Variants in TASL observed in about 807,000 individuals in gnomAD.
TASL encodes the protein TLR adapter interacting with SLC15A4 on the lysosome.
Under a neutral mutation model 12.9 loss-of-function variants are expected in TASL, and 6 were observed. The ratio of observed to expected loss-of-function variants is 0.46; its 90% CI spans 0.25 to 0.92. The LOEUF (loss-of-function observed/expected upper bound fraction) is 0.92. Ranked by LOEUF, TASL falls within the 40% of genes least tolerant of loss-of-function variation. The pLI is 0.17. For synonymous variants in TASL, 85 were observed against 79.3 expected (o/e 1.07, Z -0.38); for missense variants, 165 against 212.8 (o/e 0.78, Z 1.40).
At position 30,560,210 on chromosome X, in the gene TASL, G is replaced by A; in HGVS notation, c.146C>T (p.Thr49Ile). The change falls in exon 3 of 3, where the codon ACA (threonine) becomes ATA (isoleucine). Residue 49 changes from threonine to isoleucine, a missense_variant. Coordinates refer to ENST00000378962, the MANE Select transcript of TASL (RefSeq NM_025159.3). ...GCTCACGTAGAGACTTCTGACTTGT[G>A]TTTCATCCACAGAGGAATAGGAAAG... ...ATLSYSSVDE[T>I]QVRSLYVSCK... 1.7e-6 allele frequency: 2 copies of A among 1,211,215 alleles called. No individual in the cohort carries two copies. The highest frequency in any genetic ancestry group is 2.2e-6 in the Non-Finnish European group (2 of 895,313).
chrX:30,562,629 T>G (rs2147083220), intron 2 of TASL, among the ~76,000 whole-genome samples: 1 of 111,084 alleles, frequency 9.0e-6, no homozygotes, highest in Non-Finnish European at 1.9e-5. Context: ...ACTCCCATCC[T>G]CAGCTGACCC....
chrX:30,559,162 T>C lies in TASL; in HGVS notation c.*288A>G, dbSNP rs532258315. ...TGACTGTCTTCTTTTTTAATTCCTA[T>C]GTTTCTTCAAATGAATTAACCGTTT... On this transcript the variant is annotated 3_prime_UTR_variant, in exon 3 of 3. Transcript: ENST00000378962. 3 of 220,666 alleles carry C rather than the reference T, an allele frequency of 1.4e-5. No homozygotes were observed. Among genetic ancestry groups the C allele is most frequent in the African/African-American group, 2.9e-5 (1 of 34,772 alleles). 18.2% of individuals were successfully genotyped at this position (220,666 alleles called of 1,213,427 possible).
chrX:30,566,974 A>G (rs1283191286), intron 2 of TASL, among the ~76,000 whole-genome samples: 1 of 111,855 alleles, frequency 8.9e-6, no homozygotes, highest in Non-Finnish European at 1.9e-5. Context: ...ATAATCTCCA[A>G]TTGATAATGT....
At chrX:30,574,977 T>C (rs1295066633) in intron 2 of TASL, among the ~76,000 whole-genome samples, 1 of 111,846 alleles carries the variant, frequency 8.9e-6, no homozygotes, top group Non-Finnish European at 1.9e-5. Flanking sequence ...ATTGTTTTCA[T>C]TGACATTCCT....
intron 2 of TASL, among the ~76,000 whole-genome samples, chrX:30,575,186 T>C (rs1930688607): frequency 8.9e-6 from 1 of 111,738 alleles, no homozygotes; most frequent in Non-Finnish European, 1.9e-5. Context: ...AATTCCATTG[T>C]AAACTTTTTA....
intron 2 of TASL, among the ~76,000 whole-genome samples, chrX:30,571,282 G>GAAAAAGAAAGAAAGAAAGAAAGAAAGAA (rs748518760): frequency 1.5e-5 from 1 of 68,479 alleles, no homozygotes; most frequent in African/African-American, 6.0e-5. Context: ...AAGAAAGAAA[G>GAAAAAGAAAGAAAGAAAGAAAGAAAGAA]AAAGAAAGAA....
At chrX:30,573,939 T>C (rs1178758400) in intron 2 of TASL, among the ~76,000 whole-genome samples, 5 of 111,234 alleles carry the variant, frequency 4.5e-5, no homozygotes, top group Admixed American at 2.9e-4. Flanking sequence ...ATAAATAAAT[T>C]AAATAAATAA....
Position 30,559,530 on chromosome X carries a change from A to G in TASL, c.826T>C (p.Leu276=), listed in dbSNP as rs1374120600. The part of the protein sequence containing the change: ...KARDIVFSRL[L]QLMSTEITEI... ...GTAATTTCAGTTGACATCAATTGCA[A>G]TAGGCGGCTAAAGACTATATCTCTG... The change falls in exon 3 of 3, where the codon TTG becomes CTG. Residue 276 remains leucine (L), a synonymous_variant. Coordinates refer to ENST00000378962, the MANE Select transcript of TASL (RefSeq NM_025159.3). 6.6e-6 allele frequency: 8 copies of G among 1,206,829 alleles called. No homozygotes were observed. The highest frequency in any genetic ancestry group is 1.7e-5 in the African/African-American group (1 of 57,728).
rs577342276 is a variant in TASL, at chrX:30,566,794, G to A, written c.-1-6438C>T. Among the ~76,000 whole-genome samples, 32 of 111,933 alleles carry A rather than the reference G, an allele frequency of 2.9e-4. 1 individual carries two copies. In the South Asian group the frequency reaches 4.8e-3, roughly 17 times the overall value. On this transcript the variant is annotated intron_variant, in intron 2 of 2. Coordinates refer to ENST00000378962, the MANE Select transcript of TASL (RefSeq NM_025159.3). Reference sequence around the variant, plus strand: ...TGACAAAAGTGCTATCCAATAGAACGTCTTGAAGTGATGAAAATGTCCAAT... The same window carrying A: ...TGACAAAAGTGCTATCCAATAGAACATCTTGAAGTGATGAAAATGTCCAAT...
At chrX:30,574,668 A>G (rs994640153) in intron 2 of TASL, among the ~76,000 whole-genome samples, 1 of 112,146 alleles carries the variant, frequency 8.9e-6, no homozygotes, top group African/African-American at 3.2e-5. Context: ...TGTGATCTTG[A>G]GCCTAGCTAG....
At chrX:30,574,453 G>A (rs777976976) in intron 2 of TASL, among the ~76,000 whole-genome samples, 1 of 111,920 alleles carries the variant, frequency 8.9e-6, no homozygotes, top group East Asian at 2.8e-4. Flanking sequence ...TTGGTGGGGA[G>A]TGTGGGAGTT....
chrX:30,570,404 A>G (rs962407050), intron 2 of TASL, among the ~76,000 whole-genome samples: 1 of 111,386 alleles, frequency 9.0e-6, no homozygotes, highest in Non-Finnish European at 1.9e-5. Context: ...CCCAGATAAT[A>G]TTCTAAGTGC....
At chrX:30,562,889 A>G (rs1441545012) in intron 2 of TASL, among the ~76,000 whole-genome samples, 4 of 97,963 alleles carry the variant, frequency 4.1e-5, no homozygotes, top group Admixed American at 1.2e-4. Flanking sequence ...GTTTTTAAAA[A>G]GGTATAATAC....
chrX:30,563,798 G>C (rs887989732), intron 2 of TASL, among the ~76,000 whole-genome samples: 1 of 112,076 alleles, frequency 8.9e-6, no homozygotes, highest in African/African-American at 3.2e-5. Flanking sequence ...AGCAAGAGGA[G>C]TATCCACCTT....
At position 30,564,394 on chromosome X, in the gene TASL, A is replaced by G. The variant is rs373269106; in HGVS notation, c.-1-4038T>C. 7.2e-5 allele frequency among the ~76,000 whole-genome samples: 8 copies of G among 111,537 alleles called. No individual in the cohort carries two copies. The East Asian group carries it at 2.0e-3, about 27-fold the overall frequency. On this transcript the variant is annotated intron_variant, in intron 2 of 2. Coordinates refer to ENST00000378962, the MANE Select transcript of TASL (RefSeq NM_025159.3). Reference sequence around the variant, plus strand: ...TAAGAATATTTCCCAGAATGGAAAGACATAAGTTATCAAAATAGTGAGTGA... The same window carrying G: ...TAAGAATATTTCCCAGAATGGAAAGGCATAAGTTATCAAAATAGTGAGTGA...
intron 2 of TASL, among the ~76,000 whole-genome samples, chrX:30,569,326 G>C (rs1297205566): frequency 9.1e-6 from 1 of 109,988 alleles, no homozygotes; most frequent in Non-Finnish European, 1.9e-5. Context: ...GGAGAGAGAG[G>C]AGCCAAAAGT....
intron 2 of TASL, among the ~76,000 whole-genome samples, chrX:30,565,865 G>A (rs1331518201): frequency 9.1e-6 from 1 of 110,120 alleles, no homozygotes; most frequent in Non-Finnish European, 1.9e-5. Context: ...CCACCTCCCA[G>A]GTTCAAGTGA....
intron 2 of TASL, among the ~76,000 whole-genome samples, chrX:30,571,270 G>GAA (rs758951918): frequency 1.9e-4 from 9 of 48,529 alleles, no homozygotes; most frequent in Non-Finnish European, 2.7e-4. Context: ...AAGAAAGAAA[G>GAA]AAAGAAAGAA....
chrX:30,562,679 C>A (rs1340398161), intron 2 of TASL, among the ~76,000 whole-genome samples: 1 of 110,457 alleles, frequency 9.1e-6, no homozygotes, highest in Non-Finnish European at 1.9e-5. Context: ...AGACGCACAT[C>A]CAAGGAGGAG....
Sources: allele counts gnomAD v4.1 joint callset (sites outside exome capture counted in the v4.1 genomes callset), GRCh38; gene constraint gnomAD v4.1.1; transcripts MANE v1.5; gene names NCBI Gene and HGNC (gene_info 2026-07-23, HGNC 2026-07-21).